IQCH: variants seen among roughly 807,000 people sequenced by gnomAD.
IQCH encodes IQ domain-containing protein H.
IQCH carries 98 observed loss-of-function variants against 117.0 expected under a neutral mutation model. That is an observed-to-expected ratio of 0.84 (90% CI 0.71 to 0.99). The LOEUF (loss-of-function observed/expected upper bound fraction) is 0.99, where lower values mean the gene tolerates loss of function less well. Among genes scored for constraint, IQCH ranks in the 50% least tolerant of loss-of-function variants. The pLI, the probability that IQCH is intolerant of heterozygous loss-of-function variation, is 0.00. For synonymous variants in IQCH, 412 were observed against 448.2 expected (o/e 0.92, Z 1.02); for missense variants, 1,102 against 1,243.8 (o/e 0.89, Z 1.72).
chr15:67,377,124 AAAAAAAAG>A (rs1248169982), intron 10 of IQCH, among the ~76,000 whole-genome samples: 22 of 150,290 alleles, frequency 1.5e-4, no homozygotes, highest in South Asian at 4.2e-4. Context: ...TCAAAAAAAA[AAAAAAAAG>A]AAAAAAAGAA....
intron 16 of IQCH, among the ~76,000 whole-genome samples, chr15:67,450,957 T>A (rs1470394063): frequency 6.6e-6 from 1 of 152,248 alleles, no homozygotes; most frequent in Admixed American, 6.5e-5. Context: ...CTTGGGAGGA[T>A]GTATGTGTCG....
At chr15:67,438,294 A>G (rs1357352743) in intron 16 of IQCH, among the ~76,000 whole-genome samples, 1 of 152,190 alleles carries the variant, frequency 6.6e-6, no homozygotes, top group Non-Finnish European at 1.5e-5. Flanking sequence ...GTATCCAGTG[A>G]AACTAAGCAT....
chr15:67,441,061 T>C (rs1429266762), intron 16 of IQCH, among the ~76,000 whole-genome samples: 2 of 137,396 alleles, frequency 1.5e-5, no homozygotes, highest in Non-Finnish European at 3.0e-5. Flanking sequence ...AGCTCTTCTA[T>C]ATACCAACAG....
rs145794057 is a variant in IQCH at position 67,373,323 on chromosome 15, A to G, written c.1306-44A>G. The G allele has an allele frequency of 1.4e-3, 1,912 of 1,372,650 alleles. 18 individuals carry two copies. The East Asian group carries it at 0.028, about 20-fold the overall frequency. The allele number at this position is 1,372,650 out of a possible 1,614,324, so 85.0% of individuals were successfully genotyped here. Reference sequence around the variant, plus strand: ...AGCTGAAGTTTGACTAGATGAATCCACTACAGCTTCCTGTCACTGATCAAT... The same window carrying G: ...AGCTGAAGTTTGACTAGATGAATCCGCTACAGCTTCCTGTCACTGATCAAT... On this transcript the variant is annotated intron_variant, in intron 9 of 20. Coordinates refer to ENST00000335894, the MANE Select transcript of IQCH (RefSeq NM_001031715.3).
chr15:67,447,791 C>T lies in IQCH; in HGVS notation c.2506-17336C>T, dbSNP rs2082423755. Among the ~76,000 whole-genome samples, 2 of 152,174 alleles carry T rather than the reference C, an allele frequency of 1.3e-5. No homozygotes were observed. The highest frequency in any genetic ancestry group is 1.3e-4 in the Admixed American group (2 of 15,270). ...TCCAGGAGCTGATACAAAGTAAAAG[C>T]CTGCTGTGGTGAGTCCAAGCAACAG... On this transcript the variant is annotated intron_variant, in intron 16 of 20. Transcript: ENST00000335894. The surrounding 1 kb of genome is among the most constrained non-coding windows in gnomAD (Gnocchi z 5.3).
chr15:67,417,146 C>A lies in IQCH; in HGVS notation c.2218+95C>A. ...TGGGGCCAATTTAAATACTTTGCAT[C>A]TCCTGTGTTGGTTTAGAAAAGTGCT... On this transcript the variant is annotated intron_variant, in intron 15 of 20. Coordinates refer to ENST00000335894, the MANE Select transcript of IQCH (RefSeq NM_001031715.3). The surrounding 1 kb of genome is among the most constrained non-coding windows in gnomAD (Gnocchi z 4.3). The A allele has an allele frequency of 1.8e-6, 2 of 1,082,312 alleles. No individual in the cohort carries two copies. Among genetic ancestry groups the A allele is most frequent in the Non-Finnish European group, 2.5e-6 (2 of 785,164 alleles). 67.0% of individuals were successfully genotyped at this position (1,082,312 alleles called of 1,614,324 possible). A position where few individuals can be genotyped will look rare whatever the true frequency, so the allele number is the denominator to read the frequency against.
intron 7 of IQCH, 91 bp downstream of exon 7, chr15:67,357,512 A>G: frequency 1.2e-6 from 1 of 833,616 alleles, no homozygotes; most frequent in South Asian, 1.4e-5. Context: ...ATTGAGTTGT[A>G]CCTTCAACAT....
intron 3 of IQCH, among the ~76,000 whole-genome samples, chr15:67,272,422 T>G (rs4482225): frequency 1.3e-5 from 2 of 152,222 alleles, no homozygotes; most frequent in East Asian, 3.8e-4. Flanking sequence ...GAAATGTCCT[T>G]TAAATGTCAG....
intron 16 of IQCH, among the ~76,000 whole-genome samples, chr15:67,435,698 C>A (rs926300404): frequency 1.3e-5 from 2 of 151,902 alleles, no homozygotes; most frequent in South Asian, 4.2e-4. Flanking sequence ...CATGGTGAAA[C>A]CCCATCTCTA....
rs1382942798 is a variant in IQCH at position 67,400,212 on chromosome 15, T to C, written c.2004T>C (p.Phe668=). 1 of 1,613,738 alleles carries C rather than the reference T, an allele frequency of 6.2e-7. No individual in the cohort carries two copies. The highest frequency in any genetic ancestry group is 8.5e-7 in the Non-Finnish European group (1 of 1,179,724). The stretch of plus-strand genomic sequence containing the variant: ...AGTTCCGAGGAAATGGGACTGCATT[T>C]TGTGATATTCCTTCCTACCTAAAGT... ...DSEFRGNGTA[F]CDIPSYLKCY... The change falls in exon 14 of 21, where the codon TTT becomes TTC. Residue 668 remains phenylalanine (F), a synonymous_variant. Transcript: ENST00000335894.
At position 67,491,110 on chromosome 15, in the gene IQCH, A is replaced by G. The variant is rs2083642053; in HGVS notation, c.2861+1046A>G. Among the ~76,000 whole-genome samples the G allele has an allele frequency of 6.6e-6, 1 of 152,164 alleles. No homozygotes were observed. Among genetic ancestry groups the G allele is most frequent in the Non-Finnish European group, 1.5e-5 (1 of 68,026 alleles). On this transcript the variant is annotated intron_variant, in intron 19 of 20. Coordinates refer to ENST00000335894, the MANE Select transcript of IQCH (RefSeq NM_001031715.3). The surrounding 1 kb of genome is among the most constrained non-coding windows in gnomAD (Gnocchi z 4.9). ...CTGAAACACACAGAAACATATACAC[A>G]AAGATCTGGTCTCATAAAAACTAAC...
At chr15:67,333,656 G>T (rs527330666) in intron 4 of IQCH, among the ~76,000 whole-genome samples, 93 of 152,228 alleles carry the variant, frequency 6.1e-4, no homozygotes, top group African/African-American at 1.9e-3. Context: ...TTTTCTATTT[G>T]AAAACACTGG....
At chr15:67,451,244 G>A (rs1187607493) in intron 16 of IQCH, among the ~76,000 whole-genome samples, 1 of 152,120 alleles carries the variant, frequency 6.6e-6, no homozygotes, top group Non-Finnish European at 1.5e-5. Context: ...TCTGCTCTTA[G>A]TTATTTCTTG....
At chr15:67,270,889 T>C (rs1218589820) in intron 3 of IQCH, among the ~76,000 whole-genome samples, 4 of 152,214 alleles carry the variant, frequency 2.6e-5, no homozygotes. Flanking sequence ...TCTATTGGAA[T>C]GATCATATGG....
chr15:67,444,442 C>A (rs879808496), intron 16 of IQCH, among the ~76,000 whole-genome samples: 6 of 152,194 alleles, frequency 3.9e-5, no homozygotes, highest in Non-Finnish European at 8.8e-5. Flanking sequence ...AAACCACTTT[C>A]TACAAGTAGC....
intron 4 of IQCH, among the ~76,000 whole-genome samples, chr15:67,325,932 A>C (rs535704063): frequency 1.3e-5 from 2 of 152,342 alleles, no homozygotes; most frequent in South Asian, 4.1e-4. Context: ...TTAGAGATTT[A>C]GAATATTTTA....
At chr15:67,266,631 TG>T (rs1327984472) in intron 3 of IQCH, among the ~76,000 whole-genome samples, 2 of 152,148 alleles carry the variant, frequency 1.3e-5, no homozygotes, top group Non-Finnish European at 2.9e-5. Context: ...CACTCCAGCC[TG>T]GGCGACAGAG....
intron 5 of IQCH, 100 bp from the exon 6 acceptor site, chr15:67,343,960 TAAG>T: frequency 1.0e-6 from 1 of 979,248 alleles, no homozygotes; most frequent in Admixed American, 2.4e-5. Flanking sequence ...CCCTCACAAA[TAAG>T]ATGATGAATG....
intron 4 of IQCH, among the ~76,000 whole-genome samples, chr15:67,313,201 G>A (rs1967684220): frequency 6.6e-6 from 1 of 152,018 alleles, no homozygotes; most frequent in Non-Finnish European, 1.5e-5. Context: ...TTTATGGTTG[G>A]CAACTAAGAG....
Sources: gnomAD v4.1 joint callset for allele counts (sites outside exome capture counted in the v4.1 genomes callset) on GRCh38, gnomAD v4.1.1 for gene constraint, Gnocchi (gnomAD v3.1) non-coding constraint, MANE v1.5 for transcripts, NCBI Gene and HGNC (gene_info 2026-07-23, HGNC 2026-07-21) for gene names.